The following PHLDB2 variants were observed in gnomAD, a reference collection of about 807,000 sequenced individuals.
PHLDB2 encodes the protein pleckstrin homology-like domain family B member 2.
Under a neutral mutation model 123.6 loss-of-function variants are expected in PHLDB2, and 71 were observed. The ratio of observed to expected loss-of-function variants is 0.57; its 90% CI spans 0.47 to 0.70. The LOEUF (loss-of-function observed/expected upper bound fraction) is 0.70. PHLDB2 is among the 30% of genes least tolerant of loss of function. The pLI is 0.00. For missense variants in PHLDB2, 1,446 were observed against 1,519.5 expected (o/e 0.95, Z 0.80); for synonymous variants, 547 against 541.6 (o/e 1.01, Z -0.14).
chr3:111,769,481 G>C (rs1255744733), intron 1 of PHLDB2, among the ~76,000 whole-genome samples: 1 of 152,128 alleles, frequency 6.6e-6, no homozygotes, highest in Non-Finnish European at 1.5e-5. Flanking sequence ...TTCATTATCT[G>C]TCTTTCCCTC....
intron 5 of PHLDB2, among the ~76,000 whole-genome samples, chr3:111,929,405 A>G (rs965186644): frequency 1.3e-5 from 2 of 152,198 alleles, no homozygotes; most frequent in East Asian, 1.9e-4. Flanking sequence ...ACCAATTTAA[A>G]TATGGTGGAA....
chr3:111,795,684 C>T (rs543587924), intron 1 of PHLDB2, among the ~76,000 whole-genome samples: 57 of 152,328 alleles, frequency 3.7e-4, no homozygotes, highest in South Asian at 2.1e-3. Flanking sequence ...CAACATGCCT[C>T]AGTTTACCTA....
At chr3:111,950,778 G>C (rs2070664940) in intron 10 of PHLDB2, among the ~76,000 whole-genome samples, 2 of 152,124 alleles carry the variant, frequency 1.3e-5, no homozygotes, top group Non-Finnish European at 2.9e-5. Flanking sequence ...TTTGTTAAAG[G>C]ACTATATCTC....
At chr3:111,776,049 C>T (rs1171299744) in intron 1 of PHLDB2, among the ~76,000 whole-genome samples, 2 of 152,118 alleles carry the variant, frequency 1.3e-5, no homozygotes, top group African/African-American at 4.8e-5. Flanking sequence ...CATAGTGGGA[C>T]AATACAGAGC....
At chr3:111,845,050 C>A (rs2063891698) in intron 1 of PHLDB2, among the ~76,000 whole-genome samples, 1 of 152,112 alleles carries the variant, frequency 6.6e-6, no homozygotes, top group African/African-American at 2.4e-5. Context: ...ACACTGGTTT[C>A]TTTCCCTATA....
chr3:111,898,367 G>A (rs1458998112), intron 2 of PHLDB2, among the ~76,000 whole-genome samples: 1 of 152,096 alleles, frequency 6.6e-6, no homozygotes, highest in East Asian at 1.9e-4. Context: ...ATTTTTGGTA[G>A]AGACACGGTT....
intron 1 of PHLDB2, among the ~76,000 whole-genome samples, chr3:111,781,656 G>A (rs1362903052): frequency 6.6e-6 from 1 of 152,090 alleles, no homozygotes; most frequent in Non-Finnish European, 1.5e-5. Context: ...ATAGATAACA[G>A]AAATGATCAT....
intron 1 of PHLDB2, among the ~76,000 whole-genome samples, chr3:111,829,982 A>G (rs200531415): frequency 8.5e-6 from 1 of 117,270 alleles, no homozygotes; most frequent in Non-Finnish European, 1.5e-5. Context: ...AGCAAAACCA[A>G]GAATTCCTAA....
intron 1 of PHLDB2, among the ~76,000 whole-genome samples, chr3:111,845,058 A>G (rs1317854081): frequency 6.6e-6 from 1 of 152,162 alleles, no homozygotes; most frequent in Non-Finnish European, 1.5e-5. Flanking sequence ...TTCTTTCCCT[A>G]TAATATAGAA....
chr3:111,902,713 A>G (rs572440438), intron 2 of PHLDB2, among the ~76,000 whole-genome samples: 92 of 152,106 alleles, frequency 6.0e-4, no homozygotes, highest in South Asian at 2.9e-3. Context: ...GTCACAGTTC[A>G]GTGCAACCTC....
chr3:111,932,146 A>G (rs2069183973), intron 5 of PHLDB2, 123 bp from the exon 6 acceptor site: 7 of 1,060,954 alleles, frequency 6.6e-6, no homozygotes, highest in Non-Finnish European at 9.4e-6. Flanking sequence ...ATACGTTTCT[A>G]CATTCATAGA....
chr3:111,786,226 A>T (rs1236909507), intron 1 of PHLDB2, among the ~76,000 whole-genome samples: 1 of 152,202 alleles, frequency 6.6e-6, no homozygotes, highest in African/African-American at 2.4e-5. Flanking sequence ...CTGTAAATGC[A>T]ATGTAAATAG....
intron 1 of PHLDB2, among the ~76,000 whole-genome samples, chr3:111,813,800 G>A (rs902226443): frequency 1.3e-5 from 2 of 152,168 alleles, no homozygotes; most frequent in South Asian, 4.1e-4. Context: ...GTGATATTTA[G>A]GCCACTTAAT....
chr3:111,811,202 A>G (rs1485957404), intron 1 of PHLDB2, among the ~76,000 whole-genome samples: 1 of 152,204 alleles, frequency 6.6e-6, no homozygotes, highest in Non-Finnish European at 1.5e-5. Context: ...TTAGCATTTA[A>G]CTAATAAAAC....
At chr3:111,958,376 A>G in intron 12 of PHLDB2, 2 of 864,180 alleles carry the variant, frequency 2.3e-6, no homozygotes, top group Non-Finnish European at 2.8e-6. Context: ...AAGTCATCTT[A>G]CTTTCTATAT....
intron 3 of PHLDB2, chr3:111,916,245 G>T (rs2068170191): frequency 6.6e-6 from 1 of 152,192 alleles, no homozygotes; most frequent in Non-Finnish European, 1.5e-5. Context: ...TCCTTTAGAG[G>T]CAGGAAACAT....
At chr3:111,771,502 G>A (rs953326275) in intron 1 of PHLDB2, among the ~76,000 whole-genome samples, 1 of 152,056 alleles carries the variant, frequency 6.6e-6, no homozygotes, top group Non-Finnish European at 1.5e-5. Flanking sequence ...ACCACGCCCA[G>A]CTAATTTTTT....
chr3:111,841,919 A>G (rs563878269), intron 1 of PHLDB2, among the ~76,000 whole-genome samples: 20 of 152,360 alleles, frequency 1.3e-4, no homozygotes, highest in African/African-American at 4.8e-4. Flanking sequence ...AGTCAGAGTT[A>G]GAAAGCAAAG....
At chr3:111,904,083 G>T (rs1448626139) in intron 2 of PHLDB2, among the ~76,000 whole-genome samples, 1 of 152,052 alleles carries the variant, frequency 6.6e-6, no homozygotes, top group Admixed American at 6.6e-5. Flanking sequence ...TTCGAGACCA[G>T]CCTGGCCAAC....
Sources: allele counts gnomAD v4.1 joint callset (sites outside exome capture counted in the v4.1 genomes callset), GRCh38; gene constraint gnomAD v4.1.1; transcripts MANE v1.5; gene names NCBI Gene and HGNC (gene_info 2026-07-23, HGNC 2026-07-21).